TRAP1: variants seen among roughly 807,000 people sequenced by gnomAD.
The protein encoded by TRAP1 is heat shock protein 75 kDa, mitochondrial.
In TRAP1, 102 loss-of-function variants were observed where a neutral mutation model predicts 89.1. The ratio of observed to expected loss-of-function variants is 1.15; its 90% CI spans 0.98 to 1.35. The LOEUF is 1.35. TRAP1 is among the 40% of genes most tolerant of loss of function. TRAP1 has a pLI of 0.00. For missense variants in TRAP1, 1,256 were observed against 945.3 expected, an observed-to-expected ratio of 1.33 and a Z score of -4.31; for synonymous variants, 508 against 388.0, an observed-to-expected ratio of 1.31 and a Z score of -3.64.
chr16:3,700,489 T>G (rs951749784), intron 1 of TRAP1, among the ~76,000 whole-genome samples: 5 of 147,364 alleles, frequency 3.4e-5, no homozygotes, highest in Admixed American at 2.0e-4. Flanking sequence ...TTGTTTGAGA[T>G]GCAGTCTCAC....
chr16:3,664,628 T>TCG, intron 12 of TRAP1, 169 bp from the exon 13 acceptor site: 1 of 685,584 alleles, frequency 1.5e-6, no homozygotes, highest in Non-Finnish European at 2.3e-6. Flanking sequence ...GGCCTTGCTC[T>TCG]GCCCATCAGG....
intron 1 of TRAP1, 62 bp from the exon 2 acceptor site, chr16:3,691,047 T>C (rs2051208001): frequency 6.4e-6 from 9 of 1,396,224 alleles, no homozygotes; most frequent in South Asian, 1.6e-5. Flanking sequence ...AATATGGTAA[T>C]TCGTCCCATC....
intron 6 of TRAP1, chr16:3,676,386 G>A (rs372108487): frequency 5.3e-6 from 1 of 188,048 alleles, no homozygotes; most frequent in Middle Eastern, 1.9e-3. Flanking sequence ...GGGGGGGCGG[G>A]GGTCCTCCAC....
chr16:3,703,119 C>T (rs1046805616), intron 1 of TRAP1, among the ~76,000 whole-genome samples: 1 of 138,116 alleles, frequency 7.2e-6, no homozygotes, highest in Non-Finnish European at 1.5e-5. Flanking sequence ...GTCCTATATA[C>T]AGAAAACTAG....
chr16:3,684,570 A>T (rs939663163), intron 4 of TRAP1, among the ~76,000 whole-genome samples: 1 of 152,186 alleles, frequency 6.6e-6, no homozygotes, highest in African/African-American at 2.4e-5. Flanking sequence ...CGGGCAGATC[A>T]CTTGAGGGCA....
At chr16:3,710,143 A>C (rs897416868) in intron 1 of TRAP1, among the ~76,000 whole-genome samples, 2 of 152,226 alleles carry the variant, frequency 1.3e-5, no homozygotes, top group Admixed American at 1.3e-4. Flanking sequence ...CCTTGAACAT[A>C]AAGAAAAAGA....
At chr16:3,674,636 C>T (rs1447061073) in intron 8 of TRAP1, 142 bp from the exon 9 acceptor site, 5 of 1,000,546 alleles carry the variant, frequency 5.0e-6, no homozygotes, top group Non-Finnish European at 7.2e-6. Flanking sequence ...GTAGACCCCT[C>T]TCCAGCCCCA....
chr16:3,674,348 C>G lies in TRAP1; in HGVS notation c.1035G>C (p.Val345=), dbSNP rs754588824. ...TGCCACAGTGCCTCACCATGTCGGG[C>G]ACGTAGAAGATGCTGCGGATGTTGA... ...APLNIRSIFY[V]PDMKPSMFDV... Residue 345 remains valine (V), a synonymous_variant, in exon 9 of 18, where the codon GTG becomes GTC. Transcript: ENST00000246957. 1 of 1,613,942 alleles carries G rather than the reference C, an allele frequency of 6.2e-7. No individual in the cohort carries two copies. The highest frequency in any genetic ancestry group is 1.1e-5 in the South Asian group (1 of 91,090).
At chr16:3,675,183 C>CA (rs2050972172) in intron 8 of TRAP1, 141 bp downstream of exon 8, 2 of 749,572 alleles carry the variant, frequency 2.7e-6, no homozygotes, top group Non-Finnish European at 2.2e-6. Context: ...GTCTCATCCC[C>CA]ACACCCAGGT....
chr16:3,679,742 T>C lies in TRAP1; in HGVS notation c.520A>G (p.Thr174Ala). 6.2e-7 allele frequency: 1 copy of C among 1,614,054 alleles called. No individual in the cohort carries two copies. Among genetic ancestry groups the C allele is most frequent in the Non-Finnish European group, 8.5e-7 (1 of 1,180,000 alleles). Residue 174 changes from threonine (T) to alanine (A), a missense_variant, in exon 5 of 18, where the codon ACG (threonine) becomes GCG (alanine). Physicochemically the swap from Thr to Ala is moderately conservative, Grantham distance 58 (BLOSUM62 0). Coordinates refer to ENST00000246957, the MANE Select transcript of TRAP1 (RefSeq NM_016292.3). ...TQEELVSNLG[T>A]IARSGSKAFL... Reference sequence around the variant, plus strand: ...ACCTTTGACCCCGATCTGGCAATCGTCCCCAGGTTGGACACCAGCTCTTCC... The same window carrying C: ...ACCTTTGACCCCGATCTGGCAATCGCCCCCAGGTTGGACACCAGCTCTTCC...
intron 15 of TRAP1, chr16:3,662,382 C>G: frequency 3.4e-6 from 2 of 586,394 alleles, no homozygotes; most frequent in East Asian, 2.9e-5. Context: ...CAGGAGCTGC[C>G]CGAATCCATC....
At position 3,664,258 on chromosome 16, in the gene TRAP1, C is replaced by A; in HGVS notation, c.1569+16G>T. ...GTTGCAGCCCCCGGAGCCCGCCCCA[C>A]CCACCGCTCACCCACCTCTGTGTCT... On this transcript the variant is annotated intron_variant, in intron 13 of 17. Coordinates refer to ENST00000246957, the MANE Select transcript of TRAP1 (RefSeq NM_016292.3). 1 of 1,557,490 alleles carries A rather than the reference C, an allele frequency of 6.4e-7. No homozygotes were observed.
chr16:3,659,110 A>C, intron 16 of TRAP1: 1 of 446,280 alleles, frequency 2.2e-6, no homozygotes, highest in Non-Finnish European at 4.0e-6. Context: ...ATATACACTA[A>C]AGGGACAAAA....
At chr16:3,658,258 T>C (rs756827872) in intron 17 of TRAP1, 28 bp from the exon 18 acceptor site, 1 of 1,567,750 alleles carries the variant, frequency 6.4e-7, no homozygotes, top group Admixed American at 1.7e-5. Flanking sequence ...AAACCCATTA[T>C]GAGGGGCATG....
intron 15 of TRAP1, 35 bp from the exon 16 acceptor site, chr16:3,662,167 G>T: frequency 6.3e-7 from 1 of 1,590,386 alleles, no homozygotes; most frequent in South Asian, 1.1e-5. Context: ...GGTGATAGAG[G>T]TTCCCAATGT....
rs749986848 is a variant in TRAP1, at chr16:3,662,954, T to C, written c.1722A>G (p.Leu574=). 4 of 1,611,028 alleles carry C rather than the reference T, an allele frequency of 2.5e-6. No individual in the cohort carries two copies. The highest frequency in any genetic ancestry group is 3.4e-6 in the Non-Finnish European group (4 of 1,179,920). ...TGAGCTCCTCCGTCTCCTTCTCTGATAGGCACTCGGCGGCTGCGGAAGAGC... is the reference window on the plus strand; with the variant it reads ...TGAGCTCCTCCGTCTCCTTCTCTGACAGGCACTCGGCGGCTGCGGAAGAGC... ...FEDRSPAAEC[L]SEKETEELMA... Residue 574 remains leucine (L), a synonymous_variant, in exon 15 of 18, where the codon CTA becomes CTG. Coordinates refer to ENST00000246957, the MANE Select transcript of TRAP1 (RefSeq NM_016292.3).
At chr16:3,662,260 C>G (rs1267415828) in intron 15 of TRAP1, 128 bp from the exon 16 acceptor site, 1 of 1,125,860 alleles carries the variant, frequency 8.9e-7, no homozygotes, top group East Asian at 2.6e-5. Context: ...CTCCCCTGGA[C>G]CAGCGCTGCT....
Position 3,677,671 on chromosome 16 carries a change from G to C in TRAP1, c.544-13C>G. On this transcript the variant is annotated splice_polypyrimidine_tract_variant and intron_variant, in intron 5 of 17. Coordinates refer to ENST00000246957, the MANE Select transcript of TRAP1 (RefSeq NM_016292.3). ...CATCCAGGAAGGCCTGTGGGGCAGAGGCCAGTTAGTGAGGCAGCCTCCCCT... is the reference window on the plus strand; with the variant it reads ...CATCCAGGAAGGCCTGTGGGGCAGACGCCAGTTAGTGAGGCAGCCTCCCCT... 1.2e-6 allele frequency: 2 copies of C among 1,610,972 alleles called. No homozygotes were observed. The highest frequency in any genetic ancestry group is 1.1e-5 in the South Asian group (1 of 90,870).
At chr16:3,662,785 A>C in intron 15 of TRAP1, 97 bp downstream of exon 15, 1 of 1,148,466 alleles carries the variant, frequency 8.7e-7, no homozygotes, top group Non-Finnish European at 1.3e-6. Flanking sequence ...CTGCTGCTGG[A>C]AGGACACCCA....
Sources: allele counts gnomAD v4.1 joint callset (sites outside exome capture counted in the v4.1 genomes callset), GRCh38; gene constraint gnomAD v4.1.1; transcripts MANE v1.5; gene names NCBI Gene and HGNC (gene_info 2026-07-23, HGNC 2026-07-21).